HAPLN4: variants seen among roughly 807,000 people sequenced by gnomAD.
The protein encoded by HAPLN4 is hyaluronan and proteoglycan link protein 4.
A neutral mutation model predicts 28.0 loss-of-function variants in HAPLN4; 19 were observed. The ratio of observed to expected loss-of-function variants is 0.68; its 90% CI spans 0.47 to 1.00. The LOEUF (loss-of-function observed/expected upper bound fraction) is 1.00, where lower values mean the gene tolerates loss of function less well. Ranked by LOEUF, HAPLN4 falls within the 50% of genes least tolerant of loss-of-function variation. The pLI is 0.00. For synonymous variants in HAPLN4, 274 were observed against 273.0 expected, an observed-to-expected ratio of 1.00 and a Z score of -0.03; for missense variants, 587 against 602.6, an observed-to-expected ratio of 0.97 and a Z score of 0.27.
At chr19:19,260,065 G>C (rs534552143) in intron 3 of HAPLN4, among the ~76,000 whole-genome samples, 4 of 152,324 alleles carry the variant, frequency 2.6e-5, no homozygotes, top group African/African-American at 9.6e-5. Flanking sequence ...CCTGTCGGAA[G>C]AAAGCCTACC....
Position 19,257,739 on chromosome 19 carries a change from A to G in HAPLN4, c.*78T>C. ...AATGTGGCCAGTGTCCAGGGCTTCAAGGGCGTGGCCAGGCTCCAGGGGACC... is the reference window on the plus strand; with the variant it reads ...AATGTGGCCAGTGTCCAGGGCTTCAGGGGCGTGGCCAGGCTCCAGGGGACC... On this transcript the variant is annotated 3_prime_UTR_variant, in exon 5 of 5. Transcript: ENST00000291481. 1 of 1,356,296 alleles carries G rather than the reference A, an allele frequency of 7.4e-7. No homozygotes were observed. The highest frequency in any genetic ancestry group is 3.2e-5 in the Admixed American group (1 of 30,956). 84.0% of individuals were successfully genotyped at this position (1,356,296 alleles called of 1,614,324 possible).
chr19:19,258,226 G>C lies in HAPLN4; in HGVS notation c.818-18C>G. 2.0e-6 allele frequency: 3 copies of C among 1,465,662 alleles called. No homozygotes were observed. The highest frequency in any genetic ancestry group is 2.7e-6 in the Non-Finnish European group (3 of 1,109,898). 90.8% of individuals were successfully genotyped at this position (1,465,662 alleles called of 1,614,324 possible). A position where few individuals can be genotyped will look rare whatever the true frequency, so the allele number is the denominator to read the frequency against. ...CACGCGCCCTGCGGGGGTGAGGTGG[G>C]GGGTGGGTTATTAGTGCGGCTCCTG... On this transcript the variant is annotated intron_variant, in intron 4 of 4. Coordinates refer to ENST00000291481, the MANE Select transcript of HAPLN4 (RefSeq NM_023002.3). The surrounding 1 kb of genome is among the most constrained non-coding windows in gnomAD (Gnocchi z 6.2).
intron 1 of HAPLN4, 22 bp downstream of exon 1, chr19:19,262,708 C>T: frequency 6.2e-7 from 1 of 1,612,304 alleles, no homozygotes; most frequent in Non-Finnish European, 8.5e-7. Context: ...CACACACCAC[C>T]CGCGCCCGCA....
chr19:19,257,449 C>A lies in HAPLN4; in HGVS notation c.*368G>T. The A allele has an allele frequency of 4.7e-6, 1 of 213,174 alleles. No homozygotes were observed. Among genetic ancestry groups the A allele is most frequent in the South Asian group, 1.9e-4 (1 of 5,358 alleles). The allele number at this position is 213,174 out of a possible 1,614,324, so 13.2% of individuals were successfully genotyped here. A position where few individuals can be genotyped will look rare whatever the true frequency, so the allele number is the denominator to read the frequency against. Reference sequence around the variant, plus strand: ...CTAGTCAATCCCGGGGGTCCAGCCACCAGGCGACCACGGGGGCAGTTGGTC... The same window carrying A: ...CTAGTCAATCCCGGGGGTCCAGCCAACAGGCGACCACGGGGGCAGTTGGTC... On this transcript the variant is annotated 3_prime_UTR_variant, in exon 5 of 5. Coordinates refer to ENST00000291481, the MANE Select transcript of HAPLN4 (RefSeq NM_023002.3).
At chr19:19,259,649 T>C (rs1281336823) in intron 3 of HAPLN4, among the ~76,000 whole-genome samples, 1 of 152,162 alleles carries the variant, frequency 6.6e-6, no homozygotes, top group Non-Finnish European at 1.5e-5. Flanking sequence ...TTGGGGTTTT[T>C]AGGAAATTAA....
At chr19:19,261,300 AG>A in intron 2 of HAPLN4, 125 bp from the exon 3 acceptor site, 1 of 1,262,710 alleles carries the variant, frequency 7.9e-7, no homozygotes, top group Non-Finnish European at 1.1e-6. Flanking sequence ...AGAAGGGTCC[AG>A]GGGCTCAGGG....
At chr19:19,259,695 TG>T (rs1339113871) in intron 3 of HAPLN4, among the ~76,000 whole-genome samples, 1 of 152,174 alleles carries the variant, frequency 6.6e-6, no homozygotes, top group African/African-American at 2.4e-5. Flanking sequence ...ACTAAGCACC[TG>T]CCACAGAAAA....
rs753168496 is a variant in HAPLN4 at position 19,260,999 on chromosome 19, C to T, written c.298G>A (p.Val100Met). Residue 100 changes from valine to methionine, a missense_variant, in exon 3 of 5, where the codon GTG (valine) becomes ATG (methionine). Coordinates refer to ENST00000291481, the MANE Select transcript of HAPLN4 (RefSeq NM_023002.3). ...VDPLAFTDVF[V>M]ALGPQHRAFG... ...GCCCGGTGCTGGGGGCCTAGTGCCA[C>T]GAAGACGTCGGTGAAGGCCAGCGGG... The T allele has an allele frequency of 1.9e-6, 3 of 1,613,740 alleles. No individual in the cohort carries two copies. Among genetic ancestry groups the T allele is most frequent in the Non-Finnish European group, 2.5e-6 (3 of 1,179,994 alleles).
In HAPLN4 at chr19:19,258,151, G is replaced by A. The variant is rs770825401; in HGVS notation, c.875C>T (p.Ala292Val). ...RPVPFSGAAR[A>V]CAARGAAVAK... ...CACGGCCGCGCCACGCGCAGCACAC[G>A]CGCGCGCAGCTCCGGAGAAGGGTAC... The change falls in exon 5 of 5, where the codon GCG becomes GTG. Residue 292 changes from alanine to valine, a missense_variant. Coordinates refer to ENST00000291481, the MANE Select transcript of HAPLN4 (RefSeq NM_023002.3). This position sits in a 1 kb window ranked among gnomAD's most constrained non-coding sequence, Gnocchi z 6.2. 2.8e-5 allele frequency: 43 copies of A among 1,540,296 alleles called. No individual in the cohort carries two copies. Among genetic ancestry groups the A allele is most frequent in the Non-Finnish European group, 5.2e-6 (6 of 1,150,318 alleles).
Position 19,262,738 on chromosome 19 carries a change from C to A in HAPLN4, c.-6G>T. 1 of 1,609,092 alleles carries A rather than the reference C, an allele frequency of 6.2e-7. No homozygotes were observed. The highest frequency in any genetic ancestry group is 1.1e-5 in the South Asian group (1 of 90,774). On this transcript the variant is annotated 5_prime_UTR_variant, in exon 1 of 5. Transcript: ENST00000291481. ...CCCGCAGCCCCACTTACCATCTTGCCCGCGCGGCCCCCGCCGAGCGGCCCC... is the reference window on the plus strand; with the variant it reads ...CCCGCAGCCCCACTTACCATCTTGCACGCGCGGCCCCCGCCGAGCGGCCCC...
At position 19,262,753 on chromosome 19, in the gene HAPLN4, C is replaced by T; in HGVS notation, c.-21G>A. 1.2e-6 allele frequency: 2 copies of T among 1,609,408 alleles called. No individual in the cohort carries two copies. Among genetic ancestry groups the T allele is most frequent in the Non-Finnish European group, 1.7e-6 (2 of 1,177,758 alleles). ...ACCATCTTGCCCGCGCGGCCCCCGCCGAGCGGCCCCTACGCACCCGGACTG... is the reference window on the plus strand; with the variant it reads ...ACCATCTTGCCCGCGCGGCCCCCGCTGAGCGGCCCCTACGCACCCGGACTG... On this transcript the variant is annotated 5_prime_UTR_variant, in exon 1 of 5. Coordinates refer to ENST00000291481, the MANE Select transcript of HAPLN4 (RefSeq NM_023002.3).
chr19:19,262,587 AAGAG>A, intron 1 of HAPLN4, 139 bp downstream of exon 1: 1 of 1,017,646 alleles, frequency 9.8e-7, no homozygotes. Context: ...GAGTGCCAAA[AAGAG>A]AGATCAAAGA....
chr19:19,258,973 G>T lies in HAPLN4; in HGVS notation c.485-118C>A. The T allele has an allele frequency of 1.2e-6, 1 of 801,084 alleles. No homozygotes were observed. The highest frequency in any genetic ancestry group is 1.9e-6 in the Non-Finnish European group (1 of 526,300). 49.6% of individuals were successfully genotyped at this position (801,084 alleles called of 1,614,324 possible). ...TTTCAGTCCATTCCTCCTCACTCTG[G>T]CCTCAGACCTGACCACGATCCTCCC... is the stretch of plus-strand genomic sequence containing the variant. On this transcript the variant is annotated intron_variant, in intron 3 of 4. Coordinates refer to ENST00000291481, the MANE Select transcript of HAPLN4 (RefSeq NM_023002.3). This position sits in a 1 kb window ranked among gnomAD's most constrained non-coding sequence, Gnocchi z 6.2.
In HAPLN4 at chr19:19,258,833, G is replaced by A. The variant is rs537854837; in HGVS notation, c.507C>T (p.Pro169=). The A allele has an allele frequency of 5.1e-6, 8 of 1,570,518 alleles. No homozygotes were observed. In the African/African-American group the frequency reaches 9.5e-5, roughly 19 times the overall value. The change falls in exon 4 of 5, where the codon CCC becomes CCT. Residue 169 remains proline, a synonymous_variant. Transcript: ENST00000291481. The surrounding 1 kb of genome is among the most constrained non-coding windows in gnomAD (Gnocchi z 6.2). ...DLEGVVFPYH[P]RGGRYKLTFA... Reference sequence around the variant, plus strand: ...AGGTCAGCTTGTATCGGCCTCCACGGGGGTGGTAGGGAAAGACCACGCCTG... The same window carrying A: ...AGGTCAGCTTGTATCGGCCTCCACGAGGGTGGTAGGGAAAGACCACGCCTG...
chr19:19,258,454 TG>T lies in HAPLN4; in HGVS notation c.817+68del. On this transcript the variant is annotated intron_variant, in intron 4 of 4. Transcript: ENST00000291481. The surrounding 1 kb of genome is among the most constrained non-coding windows in gnomAD (Gnocchi z 6.2). Reference sequence around the variant, plus strand: ...CTGTTTCTGATCGCTAAGAGCTGGGTGGGGAAGAAGGCCCCGGGGTTGGGGT... The same window carrying T: ...CTGTTTCTGATCGCTAAGAGCTGGGTGGGAAGAAGGCCCCGGGGTTGGGGT... The T allele has an allele frequency of 6.7e-7, 1 of 1,481,810 alleles. No individual in the cohort carries two copies. Among genetic ancestry groups the T allele is most frequent in the Non-Finnish European group, 9.3e-7 (1 of 1,075,678 alleles). The allele number at this position is 1,481,810 out of a possible 1,614,324, so 91.8% of individuals were successfully genotyped here.
chr19:19,262,524 G>C (rs1052629694), intron 1 of HAPLN4, among the ~76,000 whole-genome samples: 1 of 151,872 alleles, frequency 6.6e-6, no homozygotes, highest in Non-Finnish European at 1.5e-5. Context: ...AAAAGGCAGA[G>C]AGGATGACAG....
rs766762055 is a variant in HAPLN4, at chr19:19,261,566, G to A, written c.4-3C>T. 52 of 1,481,496 alleles carry A rather than the reference G, an allele frequency of 3.5e-5. No homozygotes were observed. Among genetic ancestry groups the A allele is most frequent in the Admixed American group, 5.4e-5 (2 of 37,032 alleles). 91.8% of individuals were successfully genotyped at this position (1,481,496 alleles called of 1,614,324 possible). A position where few individuals can be genotyped will look rare whatever the true frequency, so the allele number is the denominator to read the frequency against. On this transcript the variant is annotated splice_polypyrimidine_tract_variant and splice_region_variant and intron_variant, in intron 1 of 4. Transcript: ENST00000291481. The stretch of plus-strand genomic sequence containing the variant: ...CCGAGGGCCGCCCGAGCGCACACCT[G>A]GGGGGCGGGCACGGGGCGCTCAGTC...
At chr19:19,261,930 C>T (rs902117000) in intron 1 of HAPLN4, among the ~76,000 whole-genome samples, 2 of 151,890 alleles carry the variant, frequency 1.3e-5, no homozygotes, top group Non-Finnish European at 2.9e-5. Context: ...CGCCAGGAGA[C>T]TGCAGCAAAC....
chr19:19,261,399 A>G (rs756976545), intron 2 of HAPLN4, 47 bp downstream of exon 2: 1 of 1,530,510 alleles, frequency 6.5e-7, no homozygotes, highest in Non-Finnish European at 9.1e-7. Flanking sequence ...GCACTTGGCC[A>G]CTTCTGCTTT....
Sources: gnomAD v4.1 joint callset for allele counts (sites outside exome capture counted in the v4.1 genomes callset) on GRCh38, gnomAD v4.1.1 for gene constraint, Gnocchi (gnomAD v3.1) non-coding constraint, MANE v1.5 for transcripts, NCBI Gene and HGNC (gene_info 2026-07-23, HGNC 2026-07-21) for gene names.